The following ARHGEF38 variants were observed in gnomAD, a reference collection of about 807,000 sequenced individuals.
ARHGEF38 encodes the protein Rho guanine nucleotide exchange factor 38.
ARHGEF38 carries 79 observed loss-of-function variants against 79.9 expected under a neutral mutation model. That is an observed-to-expected ratio of 0.99 (90% CI 0.82 to 1.19). The LOEUF (loss-of-function observed/expected upper bound fraction) is 1.19, where lower values mean the gene tolerates loss of function less well. ARHGEF38 is among the 50% of genes most tolerant of loss of function. ARHGEF38 has a pLI of 0.00. For missense variants in ARHGEF38, 962 were observed against 907.2 expected, an observed-to-expected ratio of 1.06 and a Z score of -0.78; for synonymous variants, 366 against 328.3, an observed-to-expected ratio of 1.11 and a Z score of -1.24.
At chr4:105,613,101 C>G (rs928103292) in intron 2 of ARHGEF38, among the ~76,000 whole-genome samples, 1 of 152,062 alleles carries the variant, frequency 6.6e-6, no homozygotes, top group African/African-American at 2.4e-5. Flanking sequence ...CAGTTAATAC[C>G]AATTAGGCCC....
At chr4:105,647,922 C>G (rs564094920) in intron 6 of ARHGEF38, among the ~76,000 whole-genome samples, 1 of 139,456 alleles carries the variant, frequency 7.2e-6, no homozygotes, top group Non-Finnish European at 1.5e-5. Flanking sequence ...CAGAGTCTTG[C>G]TCTGTCATCC....
chr4:105,601,798 T>C (rs1727833943), intron 2 of ARHGEF38, among the ~76,000 whole-genome samples: 1 of 152,160 alleles, frequency 6.6e-6, no homozygotes, highest in African/African-American at 2.4e-5. Context: ...ATCAAGGAGA[T>C]ATAAGTAAGG....
intron 10 of ARHGEF38, among the ~76,000 whole-genome samples, chr4:105,665,862 A>G (rs958852906): frequency 2.6e-5 from 4 of 152,142 alleles, no homozygotes; most frequent in Admixed American, 2.0e-4. Context: ...TTCCCTTGCC[A>G]CCATCCTACC....
At chr4:105,557,145 C>G (rs1352001100) in intron 1 of ARHGEF38, among the ~76,000 whole-genome samples, 1 of 152,012 alleles carries the variant, frequency 6.6e-6, no homozygotes. Context: ...TATACATGAT[C>G]TCTACATTTG....
chr4:105,659,098 G>C lies in ARHGEF38; in HGVS notation c.1278G>C (p.Leu426=), dbSNP rs1252035457. Residue 426 remains leucine (L), a synonymous_variant, in exon 10 of 14, where the codon CTG becomes CTC. Transcript: ENST00000420470. ...TCATCCTGACCCCCTTGTCAGCCCTGCTGTCCTTATTCCCAGGGCCTCACA... is the reference window on the plus strand; with the variant it reads ...TCATCCTGACCCCCTTGTCAGCCCTCCTGTCCTTATTCCCAGGGCCTCACA... ...QRLILTPLSA[L]LSLFPGPHKL... 1.3e-6 allele frequency: 2 copies of C among 1,536,106 alleles called. No homozygotes were observed. Among genetic ancestry groups the C allele is most frequent in the Non-Finnish European group, 1.7e-6 (2 of 1,146,866 alleles).
At chr4:105,632,036 G>T (rs1386708892) in intron 4 of ARHGEF38, among the ~76,000 whole-genome samples, 1 of 152,240 alleles carries the variant, frequency 6.6e-6, no homozygotes, top group Admixed American at 6.5e-5. Flanking sequence ...CCCCAACGGG[G>T]ATGGGGATGG....
At chr4:105,671,975 TG>T (rs1730971597) in intron 13 of ARHGEF38, among the ~76,000 whole-genome samples, 2 of 152,270 alleles carry the variant, frequency 1.3e-5, no homozygotes, top group South Asian at 4.1e-4. Context: ...ATGGGTCTAG[TG>T]GGCCCTGACA....
intron 1 of ARHGEF38, among the ~76,000 whole-genome samples, chr4:105,553,732 A>G (rs1475480968): frequency 6.6e-6 from 1 of 152,004 alleles, no homozygotes; most frequent in African/African-American, 2.4e-5. Flanking sequence ...TTCTAGTAAA[A>G]TTTCATTTTG....
downstream of ARHGEF38, among the ~76,000 whole-genome samples, chr4:105,681,468 T>C (rs1456865407): frequency 3.7e-5 from 5 of 133,924 alleles, no homozygotes; most frequent in African/African-American, 1.2e-4. Context: ...AGGCTGTTCA[T>C]AGTCTTGTGA....
At position 105,584,485 on chromosome 4, in the gene ARHGEF38, C is replaced by T. The variant is rs1440764963; in HGVS notation, c.197-4763C>T. 7.2e-5 allele frequency among the ~76,000 whole-genome samples: 11 copies of T among 152,128 alleles called. 1 individual carries two copies. The highest frequency in any genetic ancestry group is 7.2e-4 in the Admixed American group (11 of 15,272). Reference sequence around the variant, plus strand: ...CTTTACTAACGTTATCCTTAACTTACAGATGAGAAAATTGATACAGGAAGA... The same window carrying T: ...CTTTACTAACGTTATCCTTAACTTATAGATGAGAAAATTGATACAGGAAGA... On this transcript the variant is annotated intron_variant, in intron 1 of 13. Coordinates refer to ENST00000420470, the MANE Select transcript of ARHGEF38 (RefSeq NM_001242729.2).
chr4:105,656,215 T>G (rs1020765992), intron 9 of ARHGEF38, among the ~76,000 whole-genome samples: 11 of 152,056 alleles, frequency 7.2e-5, no homozygotes, highest in Non-Finnish European at 1.6e-4. Flanking sequence ...CCACCACACC[T>G]AGAAGATTTT....
chr4:105,561,424 G>GAATA (rs1725542761), intron 1 of ARHGEF38, among the ~76,000 whole-genome samples: 2 of 53,026 alleles, frequency 3.8e-5, no homozygotes, highest in African/African-American at 1.7e-4. Context: ...AGAATAGAAT[G>GAATA]GAATAGAATA....
At chr4:105,653,514 G>C (rs781402856) in intron 7 of ARHGEF38, among the ~76,000 whole-genome samples, 1 of 151,888 alleles carries the variant, frequency 6.6e-6, no homozygotes, top group African/African-American at 2.4e-5. Flanking sequence ...GTAGATACGG[G>C]GTTTCACCAT....
intron 1 of ARHGEF38, among the ~76,000 whole-genome samples, chr4:105,553,830 G>C (rs1447105498): frequency 6.6e-6 from 1 of 152,104 alleles, no homozygotes; most frequent in Non-Finnish European, 1.5e-5. Flanking sequence ...TTTAGCACAA[G>C]GTGTGTCTGA....
At chr4:105,662,830 T>G (rs916531285) in intron 10 of ARHGEF38, among the ~76,000 whole-genome samples, 2 of 152,198 alleles carry the variant, frequency 1.3e-5, no homozygotes, top group Non-Finnish European at 2.9e-5. Flanking sequence ...ATCCCCACTT[T>G]GAATCATGTG....
At chr4:105,576,468 T>G (rs1726507393) in intron 1 of ARHGEF38, among the ~76,000 whole-genome samples, 1 of 151,906 alleles carries the variant, frequency 6.6e-6, no homozygotes, top group Non-Finnish European at 1.5e-5. Flanking sequence ...GATTCTCAGC[T>G]TGCTCATTGT....
intron 1 of ARHGEF38, among the ~76,000 whole-genome samples, chr4:105,560,547 C>CAGCTTAAATTGTGAGTCAT (rs1725466463): frequency 6.6e-6 from 1 of 152,138 alleles, no homozygotes; most frequent in African/African-American, 2.4e-5. Context: ...TGTATGAAGT[C>CAGCTTAAATTGTGAGTCAT]AGCTTAAATT....
intron 1 of ARHGEF38, among the ~76,000 whole-genome samples, chr4:105,555,661 T>G (rs1725220745): frequency 6.6e-6 from 1 of 152,200 alleles, no homozygotes; most frequent in South Asian, 2.1e-4. Flanking sequence ...CTGGAATTTC[T>G]GGCAACACCA....
chr4:105,561,505 GAATAGAATAGAATAGAATA>G (rs1725612468), intron 1 of ARHGEF38: 1 of 146,826 alleles, frequency 6.8e-6, no homozygotes, highest in East Asian at 2.0e-4. Context: ...GAATAGAATA[GAATAGAATAGAATAGAATA>G]GAATAGAATA....
Sources: gnomAD v4.1 joint callset for allele counts (sites outside exome capture counted in the v4.1 genomes callset) on GRCh38, gnomAD v4.1.1 for gene constraint, MANE v1.5 for transcripts, NCBI Gene and HGNC (gene_info 2026-07-23, HGNC 2026-07-21) for gene names.